TP63: variants seen among roughly 807,000 people sequenced by gnomAD.
TP63 encodes the protein tumor protein p63.
Under a neutral mutation model 82.8 loss-of-function variants are expected in TP63, and 17 were observed. The observed-to-expected ratio is 0.21, with a 90% CI of 0.14 to 0.31. The LOEUF (loss-of-function observed/expected upper bound fraction) is 0.31. Ranked by LOEUF, TP63 falls within the 10% of genes least tolerant of loss-of-function variation. TP63 has a pLI of 1.00. For missense variants in TP63, 648 were observed against 895.3 expected, an observed-to-expected ratio of 0.72 and a Z score of 3.52; for synonymous variants, 330 against 321.7, an observed-to-expected ratio of 1.03 and a Z score of -0.28.
At chr3:189,859,883 T>C (rs1393389701) in intron 4 of TP63, among the ~76,000 whole-genome samples, 1 of 152,212 alleles carries the variant, frequency 6.6e-6, no homozygotes, top group Non-Finnish European at 1.5e-5. Context: ...CATAAGATTA[T>C]ATACTATATT....
chr3:189,786,446 A>AACACACACACACACACAC (rs59747587), intron 3 of TP63, among the ~76,000 whole-genome samples: 17 of 147,110 alleles, frequency 1.2e-4, no homozygotes, highest in African/African-American at 4.0e-4. Context: ...GACATACCTA[A>AACACACACACACACACAC]ACACACACAC....
intron 4 of TP63, among the ~76,000 whole-genome samples, chr3:189,832,429 G>A (rs1371798252): frequency 6.6e-6 from 1 of 152,160 alleles, no homozygotes; most frequent in Non-Finnish European, 1.5e-5. Context: ...TACAACTCAA[G>A]TACAATAGCT....
chr3:189,742,922 G>T (rs925106577), intron 3 of TP63, among the ~76,000 whole-genome samples: 2 of 152,030 alleles, frequency 1.3e-5, no homozygotes, highest in African/African-American at 4.8e-5. Flanking sequence ...TAAAATATGA[G>T]TCAAATTGAT....
chr3:189,804,880 C>A (rs1726718431), intron 3 of TP63, among the ~76,000 whole-genome samples: 1 of 152,198 alleles, frequency 6.6e-6, no homozygotes, highest in Admixed American at 6.5e-5. Context: ...AGCGTTTCAA[C>A]TGAAATGTGT....
chr3:189,598,683 A>G, the TP63 span, among the ~76,000 whole-genome samples: 55 of 152,364 alleles, frequency 3.6e-4, 1 homozygote, highest in African/African-American at 1.3e-3. Context: ...TCCAGTGAGA[A>G]CCAGAGGGCT....
intron 1 of TP63, among the ~76,000 whole-genome samples, chr3:189,703,161 C>T (rs1456904473): frequency 6.6e-6 from 1 of 152,186 alleles, no homozygotes; most frequent in African/African-American, 2.4e-5. Flanking sequence ...AGGCCGGGCA[C>T]GGTGTCTCAC....
rs551307753 is a variant in TP63, at chr3:189,817,388, G to T, written c.579+8862G>T. 9.7e-4 allele frequency among the ~76,000 whole-genome samples: 148 copies of T among 152,236 alleles called. 1 individual carries two copies. The highest frequency in any genetic ancestry group is 3.5e-3 in the African/African-American group (145 of 41,546). ...CTCATTAAGTAGAATACGGGACTCA[G>T]AAGGACAACTTTGGGGTACTAACAA... On this transcript the variant is annotated intron_variant, in intron 4 of 13. Coordinates refer to ENST00000264731, the MANE Select transcript of TP63 (RefSeq NM_003722.5).
At chr3:189,654,605 G>A (rs1319378659) in intron 1 of TP63, among the ~76,000 whole-genome samples, 2 of 152,092 alleles carry the variant, frequency 1.3e-5, no homozygotes. Context: ...GGGATAGCCT[G>A]GGGTTTTCAG....
intron 1 of TP63, among the ~76,000 whole-genome samples, chr3:189,634,338 C>T (rs1367197593): frequency 6.6e-6 from 1 of 151,104 alleles, no homozygotes; most frequent in Non-Finnish European, 1.5e-5. Context: ...TTATGAATTC[C>T]CTTACAGAAT....
At chr3:189,732,343 A>G (rs1031482247) in intron 1 of TP63, among the ~76,000 whole-genome samples, 6 of 152,336 alleles carry the variant, frequency 3.9e-5, no homozygotes, top group Admixed American at 6.5e-5. Context: ...TAGCCAGTCT[A>G]AGACAAAAAT....
Position 189,645,893 on chromosome 3 carries a change from G to A in TP63, c.62+14316G>A, listed in dbSNP as rs1467521383. On this transcript the variant is annotated intron_variant, in intron 1 of 13. Transcript: ENST00000264731. ...GAATATACACCACATTATCCACTAT[G>A]TTGGTTGATGGGCACATAAGCTGAT... Among the ~76,000 whole-genome samples the A allele has an allele frequency of 5.4e-5, 8 of 147,336 alleles. 1 individual carries two copies. The highest frequency in any genetic ancestry group is 2.7e-4 in the Admixed American group (4 of 14,982).
In TP63 at chr3:189,785,284, T is replaced by C. The variant is rs10937412; in HGVS notation, c.325-22988T>C. ...TAAATGCTTTGGGTAAATACTCTTC[T>C]AATTCTAGTTCTTTCTTATAGAATT... On this transcript the variant is annotated intron_variant, in intron 3 of 13. Coordinates refer to ENST00000264731, the MANE Select transcript of TP63 (RefSeq NM_003722.5). Among the ~76,000 whole-genome samples, 53 of 152,218 alleles carry C rather than the reference T, an allele frequency of 3.5e-4. 1 individual carries two copies. In the East Asian group the frequency reaches 8.9e-3, roughly 26 times the overall value.
chr3:189,692,054 A>G (rs1716979492), intron 1 of TP63, among the ~76,000 whole-genome samples: 1 of 152,192 alleles, frequency 6.6e-6, no homozygotes, highest in South Asian at 2.1e-4. Flanking sequence ...GGAAGCACCT[A>G]TAATCTTACC....
At chr3:189,821,481 G>A (rs773887081) in intron 4 of TP63, among the ~76,000 whole-genome samples, 85 of 152,134 alleles carry the variant, frequency 5.6e-4, no homozygotes, top group African/African-American at 1.5e-3. Context: ...AGGGTCAAGC[G>A]TGCTTACCAC....
chr3:189,793,822 C>G (rs1232459128), intron 3 of TP63, among the ~76,000 whole-genome samples: 1 of 151,822 alleles, frequency 6.6e-6, no homozygotes, highest in African/African-American at 2.4e-5. Context: ...ATTGTTAAAC[C>G]CAAGTGGGCG....
intron 13 of TP63, among the ~76,000 whole-genome samples, chr3:189,892,533 C>G (rs186160687): frequency 6.6e-6 from 1 of 152,344 alleles, no homozygotes; most frequent in Admixed American, 6.5e-5. Flanking sequence ...TGGCTCACAC[C>G]TGTAATCCCA....
intron 3 of TP63, among the ~76,000 whole-genome samples, chr3:189,793,941 C>T (rs964270432): frequency 3.9e-5 from 6 of 151,996 alleles, no homozygotes; most frequent in Admixed American, 2.6e-4. Flanking sequence ...TAGAGTACTA[C>T]ATTTTGGGTC....
intron 5 of TP63, 113 bp from the exon 6 acceptor site, chr3:189,866,569 T>G: frequency 1.1e-6 from 1 of 944,960 alleles, no homozygotes; most frequent in Admixed American, 2.1e-5. Flanking sequence ...GCACATTTTC[T>G]TTATTATACA....
intron 1 of TP63, among the ~76,000 whole-genome samples, chr3:189,709,774 C>T (rs1202403576): frequency 3.3e-5 from 5 of 152,116 alleles, no homozygotes; most frequent in African/African-American, 1.2e-4. Flanking sequence ...AGGAGGCATA[C>T]ATGGGAGGCA....
Sources: gnomAD v4.1 joint callset for allele counts (sites outside exome capture counted in the v4.1 genomes callset) on GRCh38, gnomAD v4.1.1 for gene constraint, MANE v1.5 for transcripts, NCBI Gene and HGNC (gene_info 2026-07-23, HGNC 2026-07-21) for gene names.